GLIS3: variants seen among roughly 807,000 people sequenced by gnomAD.
GLIS3 encodes zinc finger protein GLIS3.
In GLIS3, 53 loss-of-function variants were observed where a neutral mutation model predicts 78.6. The observed-to-expected ratio is 0.67, with a 90% confidence interval of 0.54 to 0.85. The LOEUF (loss-of-function observed/expected upper bound fraction) is 0.85, where lower values mean the gene tolerates loss of function less well. Among genes scored for constraint, GLIS3 ranks in the 40% least tolerant of loss-of-function variants. The pLI is 0.00. For synonymous variants in GLIS3, 684 were observed against 509.9 expected, an observed-to-expected ratio of 1.34 and a Z score of -4.60; for missense variants, 1,703 against 1,231.1, an observed-to-expected ratio of 1.38 and a Z score of -5.74.
rs868218611 is a variant in GLIS3 at position 4,012,328 on chromosome 9, T to C, written c.1711-75139A>G. On this transcript the variant is annotated intron_variant, in intron 4 of 10. Coordinates refer to ENST00000381971, the MANE Select transcript of GLIS3 (RefSeq NM_001042413.2). ...TCTATTAGGTATTGGAAGAGTGTGGTTAAAAGTAGTCAATGTACATTTTGA... is the reference window on the plus strand; with the variant it reads ...TCTATTAGGTATTGGAAGAGTGTGGCTAAAAGTAGTCAATGTACATTTTGA... Among the ~76,000 whole-genome samples, 145 of 152,264 alleles carry C rather than the reference T, an allele frequency of 9.5e-4. 1 individual carries two copies. The highest frequency in any genetic ancestry group is 3.3e-3 in the African/African-American group (138 of 41,552).
intron 2 of GLIS3, among the ~76,000 whole-genome samples, chr9:4,229,301 T>G (rs1822051483): frequency 6.6e-6 from 1 of 152,224 alleles, no homozygotes; most frequent in Non-Finnish European, 1.5e-5. Flanking sequence ...TTCAAAAGAT[T>G]TTAAGAATAA....
chr9:4,112,884 G>C (rs987635032), intron 4 of GLIS3, among the ~76,000 whole-genome samples: 2 of 151,512 alleles, frequency 1.3e-5, no homozygotes, highest in African/African-American at 4.8e-5. Flanking sequence ...TCTCTCTCTG[G>C]AAAAAAAGAG....
chr9:4,286,316 G>C lies in GLIS3; in HGVS notation c.110C>G (p.Thr37Ser). Residue 37 changes from threonine (T) to serine (S), a missense_variant, in exon 2 of 11, where the codon ACT becomes AGT. By Grantham distance (58) the Thr-to-Ser change is moderately conservative. Transcript: ENST00000381971. ...GCTGCCACAGGGCGAGGGGCCAGGA[G>C]TCCCGGAGTGGGCTCGGATGGCAGG... is the stretch of plus-strand genomic sequence containing the variant. Reference protein sequence around the residue: ...HIPAIRAHSGTPGPSPCGSTS... With the variant: ...HIPAIRAHSGSPGPSPCGSTS... 1 of 1,614,206 alleles carries C rather than the reference G, an allele frequency of 6.2e-7. No individual in the cohort carries two copies. Among genetic ancestry groups the C allele is most frequent in the South Asian group, 1.1e-5 (1 of 91,082 alleles).
chr9:4,158,165 T>C (rs1835179359), intron 2 of GLIS3, among the ~76,000 whole-genome samples: 1 of 152,224 alleles, frequency 6.6e-6, no homozygotes. Context: ...TAAGCTGCTA[T>C]TTTTATTCTG....
At chr9:4,298,048 G>C (rs1025178946) in intron 1 of GLIS3, among the ~76,000 whole-genome samples, 4 of 152,140 alleles carry the variant, frequency 2.6e-5, no homozygotes, top group South Asian at 2.1e-4. Context: ...GTGCGCGAGC[G>C]AGCGAGGGAG....
intron 2 of GLIS3, among the ~76,000 whole-genome samples, chr9:4,269,995 T>C (rs1380427055): frequency 6.6e-6 from 1 of 152,224 alleles, no homozygotes; most frequent in African/African-American, 2.4e-5. Context: ...TAATGGTTCA[T>C]GGGAATTAGC....
At chr9:4,266,130 G>A (rs1189666455) in intron 2 of GLIS3, among the ~76,000 whole-genome samples, 1 of 151,820 alleles carries the variant, frequency 6.6e-6, no homozygotes, top group Admixed American at 6.6e-5. Flanking sequence ...ATGTTATCCA[G>A]GATGGTCTCG....
At chr9:4,095,485 G>T (rs935077435) in intron 4 of GLIS3, among the ~76,000 whole-genome samples, 5 of 152,194 alleles carry the variant, frequency 3.3e-5, no homozygotes, top group African/African-American at 1.2e-4. Flanking sequence ...TGGGAGGGTT[G>T]CAGAAGTGGC....
upstream of GLIS3, among the ~76,000 whole-genome samples, chr9:4,351,075 A>AT (rs1817965024): frequency 6.6e-6 from 1 of 151,898 alleles, no homozygotes; most frequent in African/African-American, 2.4e-5. Context: ...ATAATAATCC[A>AT]TTTCTTTCTG....
At chr9:4,425,813 G>T in the GLIS3 span, among the ~76,000 whole-genome samples, 1 of 152,166 alleles carries the variant, frequency 6.6e-6, no homozygotes, top group Admixed American at 6.5e-5. Flanking sequence ...CTCCACTGAT[G>T]CACAGCGGTG....
intron 2 of GLIS3, among the ~76,000 whole-genome samples, chr9:4,142,687 T>G (rs1389803868): frequency 2.0e-5 from 3 of 152,204 alleles, no homozygotes; most frequent in African/African-American, 4.8e-5. Flanking sequence ...CGGGTAATAT[T>G]AGCACCTTAC....
intron 6 of GLIS3, among the ~76,000 whole-genome samples, chr9:3,905,134 G>A (rs116527589): frequency 0.021 from 2,713 of 126,430 alleles, 91 homozygotes; most frequent in African/African-American, 0.073. Context: ...CGCCACGCCC[G>A]GTTAAATTTT....
intron 2 of GLIS3, among the ~76,000 whole-genome samples, chr9:4,265,391 T>C (rs1825899841): frequency 7.0e-6 from 1 of 143,244 alleles, no homozygotes; most frequent in Non-Finnish European, 1.5e-5. Flanking sequence ...GGTACAGATA[T>C]TATCCCTTAG....
chr9:4,339,279 C>G (rs946919764), intron 2 of GLIS3, among the ~76,000 whole-genome samples: 6 of 152,172 alleles, frequency 3.9e-5, no homozygotes, highest in Non-Finnish European at 7.4e-5. Flanking sequence ...CACTATGTAG[C>G]TAAAGCCAGT....
chr9:4,088,044 G>C (rs1265718284), intron 4 of GLIS3, among the ~76,000 whole-genome samples: 2 of 152,204 alleles, frequency 1.3e-5, no homozygotes, highest in African/African-American at 4.8e-5. Flanking sequence ...GTCGAACTCA[G>C]CTCACTGGCT....
chr9:4,202,721 G>GCAATGGGGATTAA, intron 2 of GLIS3, among the ~76,000 whole-genome samples: 1 of 152,270 alleles, frequency 6.6e-6, no homozygotes, highest in South Asian at 2.1e-4. Flanking sequence ...AATGGGGAAA[G>GCAATGGGGATTAA]GAATCCCTAT....
intron 2 of GLIS3, among the ~76,000 whole-genome samples, chr9:4,170,328 G>A (rs1420352956): frequency 6.6e-6 from 1 of 152,246 alleles, no homozygotes; most frequent in East Asian, 1.9e-4. Flanking sequence ...TCTCTTGCCA[G>A]AATGGCCAAC....
the GLIS3 span, among the ~76,000 whole-genome samples, chr9:4,462,370 G>C: frequency 6.6e-6 from 1 of 152,140 alleles, no homozygotes; most frequent in South Asian, 2.1e-4. Flanking sequence ...AATGAGGTAA[G>C]AGACCAGTGG....
chr9:4,267,596 T>TG (rs1177237330), intron 2 of GLIS3, among the ~76,000 whole-genome samples: 3 of 152,244 alleles, frequency 2.0e-5, no homozygotes, highest in Non-Finnish European at 4.4e-5. Flanking sequence ...ACCAAGTCTA[T>TG]GTCTGGCACA....
Sources: gnomAD v4.1 joint callset for allele counts (sites outside exome capture counted in the v4.1 genomes callset) on GRCh38, gnomAD v4.1.1 for gene constraint, MANE v1.5 for transcripts, NCBI Gene and HGNC (gene_info 2026-07-23, HGNC 2026-07-21) for gene names.